GALNT12: variants seen among roughly 807,000 people sequenced by gnomAD.
GALNT12 encodes the protein polypeptide N-acetylgalactosaminyltransferase 12, also known as UDP-GalNAc:polypeptide N-acetylgalactosaminyltransferase 12.
GALNT12 carries 45 observed loss-of-function variants against 55.5 expected under a neutral mutation model. The observed-to-expected ratio is 0.81, with a 90% CI of 0.64 to 1.04. The LOEUF is 1.04. Ranked by LOEUF, GALNT12 falls within the 50% of genes least tolerant of loss-of-function variation. GALNT12 has a pLI of 0.00. For synonymous variants in GALNT12, 304 were observed against 312.2 expected (o/e 0.97, Z 0.28); for missense variants, 709 against 754.8 (o/e 0.94, Z 0.71).
intron 6 of GALNT12, among the ~76,000 whole-genome samples, chr9:98,838,171 G>A (rs1836198927): frequency 6.6e-6 from 1 of 152,136 alleles, no homozygotes. Context: ...TTAGCACCCT[G>A]GAAGCTTCCT....
intron 3 of GALNT12, among the ~76,000 whole-genome samples, chr9:98,828,716 G>C (rs1016820530): frequency 3.3e-5 from 5 of 152,066 alleles, no homozygotes; most frequent in African/African-American, 1.2e-4. Flanking sequence ...ATATTTATGG[G>C]GTACATGAGA....
chr9:98,811,328 A>G (rs1243750616), intron 1 of GALNT12, among the ~76,000 whole-genome samples: 1 of 152,246 alleles, frequency 6.6e-6, no homozygotes, highest in Admixed American at 6.5e-5. Context: ...ATGTTGTACC[A>G]AAATTTGCAA....
chr9:98,841,733 C>T (rs537075089), intron 7 of GALNT12, among the ~76,000 whole-genome samples: 13 of 151,896 alleles, frequency 8.6e-5, no homozygotes, highest in South Asian at 6.2e-4. Context: ...TGCAATGGCG[C>T]GCTCTCAGCT....
intron 5 of GALNT12, 105 bp from the exon 6 acceptor site, chr9:98,836,867 G>T (rs1809350173): frequency 8.4e-7 from 1 of 1,189,924 alleles, no homozygotes; most frequent in African/African-American, 1.5e-5. Context: ...CATCTTGGCA[G>T]TGTCCATCAT....
chr9:98,825,471 T>C (rs1835837320), intron 2 of GALNT12, among the ~76,000 whole-genome samples: 1 of 152,262 alleles, frequency 6.6e-6, no homozygotes, highest in South Asian at 2.1e-4. Flanking sequence ...GCAGTGTCAG[T>C]GTAAGCTTGA....
intron 1 of GALNT12, among the ~76,000 whole-genome samples, chr9:98,811,355 T>C (rs1460138041): frequency 6.6e-6 from 1 of 152,250 alleles, no homozygotes; most frequent in Non-Finnish European, 1.5e-5. Context: ...TTAGTTTCCA[T>C]AGAATACGGG....
chr9:98,835,183 G>A (rs1451899333), intron 4 of GALNT12, 66 bp from the exon 5 acceptor site: 2 of 1,058,710 alleles, frequency 1.9e-6, no homozygotes, highest in African/African-American at 3.1e-5. Flanking sequence ...GTGGTGGGAA[G>A]GTAGTTGGAT....
Position 98,849,746 on chromosome 9 carries a change from C to T in GALNT12, c.*654C>T, listed in dbSNP as rs1836507787. 1 of 398,186 alleles carries T rather than the reference C, an allele frequency of 2.5e-6. No individual in the cohort carries two copies. The highest frequency in any genetic ancestry group is 4.4e-6 in the Non-Finnish European group (1 of 226,462). 24.7% of individuals were successfully genotyped at this position (398,186 alleles called of 1,614,324 possible). ...AAATCTCAGAGAACAATTTGCTTTA[C>T]TAAGCTGAGTCAACTTGAGAGCGAA... is the stretch of plus-strand genomic sequence containing the variant. On this transcript the variant is annotated 3_prime_UTR_variant, in exon 10 of 10. Coordinates refer to ENST00000375011, the MANE Select transcript of GALNT12 (RefSeq NM_024642.5).
intron 3 of GALNT12, among the ~76,000 whole-genome samples, chr9:98,830,689 C>T (rs566015975): frequency 1.4e-4 from 21 of 152,302 alleles, no homozygotes; most frequent in African/African-American, 2.4e-4. Context: ...TTTAAATAAG[C>T]GGATGTTGGT....
chr9:98,829,211 C>T (rs1835937713), intron 3 of GALNT12, among the ~76,000 whole-genome samples: 1 of 144,532 alleles, frequency 6.9e-6, no homozygotes, highest in Non-Finnish European at 1.5e-5. Flanking sequence ...CTATCTGAGA[C>T]AGAGTCTCGC....
Position 98,826,446 on chromosome 9 carries a change from C to T in GALNT12, c.542-306C>T, listed in dbSNP as rs537410482. Among the ~76,000 whole-genome samples, 22 of 152,202 alleles carry T rather than the reference C, an allele frequency of 1.4e-4. No individual in the cohort carries two copies. In the South Asian group the frequency reaches 4.1e-3, roughly 29 times the overall value. On this transcript the variant is annotated intron_variant, in intron 2 of 9. Transcript: ENST00000375011. ...AACTGTAAAGCATTTTTTGTAACAG[C>T]TTTATTGAAATATATTCACACACCA...
At position 98,818,471 on chromosome 9, in the gene GALNT12, G is replaced by A. The variant is rs150353575; in HGVS notation, c.372-4785G>A. 2.2e-3 allele frequency among the ~76,000 whole-genome samples: 338 copies of A among 152,028 alleles called. 2 individuals are homozygous for A. The highest frequency in any genetic ancestry group is 7.8e-3 in the African/African-American group (325 of 41,484). On this transcript the variant is annotated intron_variant, in intron 1 of 9. Coordinates refer to ENST00000375011, the MANE Select transcript of GALNT12 (RefSeq NM_024642.5). Reference sequence around the variant, plus strand: ...AACTCCTGACCTCAGGTCATCTGCCGGCCTCGGCCTTCCAAAGTGCTGGGA... The same window carrying A: ...AACTCCTGACCTCAGGTCATCTGCCAGCCTCGGCCTTCCAAAGTGCTGGGA...
At chr9:98,825,079 T>C (rs1464293424) in intron 2 of GALNT12, among the ~76,000 whole-genome samples, 2 of 152,154 alleles carry the variant, frequency 1.3e-5, no homozygotes, top group Non-Finnish European at 2.9e-5. Context: ...ATCGTGAGCA[T>C]TGAATGAGAT....
chr9:98,822,672 G>A (rs1835771360), intron 1 of GALNT12, among the ~76,000 whole-genome samples: 1 of 152,152 alleles, frequency 6.6e-6, no homozygotes, highest in African/African-American at 2.4e-5. Flanking sequence ...AGACAGTATT[G>A]GATGCTGGGA....
At chr9:98,848,183 T>C (rs1807361263) in intron 9 of GALNT12, among the ~76,000 whole-genome samples, 1 of 152,214 alleles carries the variant, frequency 6.6e-6, no homozygotes, top group Non-Finnish European at 1.5e-5. Flanking sequence ...AACATGAGTT[T>C]GGATTTTTTT....
rs1163353715 is a variant in GALNT12, at chr9:98,843,426, G to A, written c.1345-670G>A. 2.6e-5 allele frequency among the ~76,000 whole-genome samples: 4 copies of A among 150,980 alleles called. No homozygotes were observed. In the East Asian group the frequency reaches 7.8e-4, roughly 29 times the overall value. ...CTTTTTTTTTTTTTGGTGGTGGGGAGGACAGAGTCTTGCCTTATTGCCCAG... is the reference window on the plus strand; with the variant it reads ...CTTTTTTTTTTTTTGGTGGTGGGGAAGACAGAGTCTTGCCTTATTGCCCAG... On this transcript the variant is annotated intron_variant, in intron 7 of 9. Transcript: ENST00000375011.
At chr9:98,830,667 G>A (rs1396185000) in intron 3 of GALNT12, among the ~76,000 whole-genome samples, 1 of 152,196 alleles carries the variant, frequency 6.6e-6, no homozygotes, top group African/African-American at 2.4e-5. Flanking sequence ...TTTAAATAAT[G>A]CCCTCAATTG....
chr9:98,840,006 C>T lies in GALNT12; in HGVS notation c.1217C>T (p.Pro406Leu). The part of the protein sequence containing the change: ...YHRNPRARLE[P>L]FGDVTERKQL... ...ACTGTTTTGTTGTTTTCTCAGGAAC[C>T]TTTTGGGGATGTGACAGAGAGGAAG... The change falls in exon 7 of 10, where the codon CCT becomes CTT. Residue 406 changes from proline (P) to leucine (L), a missense_variant. By Grantham distance (98) the Pro-to-Leu change is moderately conservative. Coordinates refer to ENST00000375011, the MANE Select transcript of GALNT12 (RefSeq NM_024642.5). 4 of 1,614,064 alleles carry T rather than the reference C, an allele frequency of 2.5e-6. No individual in the cohort carries two copies. The highest frequency in any genetic ancestry group is 3.4e-6 in the Non-Finnish European group (4 of 1,179,968).
chr9:98,846,698 T>A (rs376340565), intron 9 of GALNT12, among the ~76,000 whole-genome samples: 5 of 148,568 alleles, frequency 3.4e-5, no homozygotes, highest in East Asian at 2.0e-4. Context: ...CATCTCTACT[T>A]AAAAAAAAAA....
Sources: allele counts gnomAD v4.1 joint callset (sites outside exome capture counted in the v4.1 genomes callset), GRCh38; gene constraint gnomAD v4.1.1; transcripts MANE v1.5; gene names NCBI Gene and HGNC (gene_info 2026-07-23, HGNC 2026-07-21).